The following TCF4 variants were observed in gnomAD, a reference collection of about 807,000 sequenced individuals.
TCF4 encodes SL3-3 enhancer factor 2.
A neutral mutation model predicts 82.1 loss-of-function variants in TCF4; 3 were observed. The ratio of observed to expected loss-of-function variants is 0.04; its 90% CI spans 0.02 to 0.09. TCF4 has a LOEUF of 0.09. Ranked by LOEUF, TCF4 falls within the 10% of genes least tolerant of loss-of-function variation. The probability of loss-of-function intolerance (pLI) is 1.00; values close to 1 mark genes in which losing one functional copy is unlikely to be tolerated. For synonymous variants in TCF4, 276 were observed against 309.6 expected (o/e 0.89, Z 1.14); for missense variants, 518 against 852.7 (o/e 0.61, Z 4.89).
At chr18:55,552,143 G>A (rs1033829535) in intron 3 of TCF4, among the ~76,000 whole-genome samples, 7 of 152,020 alleles carry the variant, frequency 4.6e-5, no homozygotes, top group Non-Finnish European at 8.8e-5. Flanking sequence ...GATTGCTTTT[G>A]GTCTATACGT....
chr18:55,243,502 C>T (rs1446101084), intron 15 of TCF4, among the ~76,000 whole-genome samples: 2 of 152,020 alleles, frequency 1.3e-5, no homozygotes, highest in Admixed American at 6.6e-5. Context: ...TAAATAAGAT[C>T]AAAAGCAGAA....
In TCF4 at chr18:55,607,392, T is replaced by G. The variant is rs538677677; in HGVS notation, c.287-20256A>C. ...TTATGAGAAAAAGGTGTGTATAAGG[T>G]GGAGTGGAGATTTCTCCCATGTTAC... On this transcript the variant is annotated intron_variant, in intron 2 of 20. Transcript: ENST00000398339. 5.3e-5 allele frequency among the ~76,000 whole-genome samples: 8 copies of G among 152,314 alleles called. No homozygotes were observed. In the East Asian group the frequency reaches 1.3e-3, roughly 26 times the overall value.
chr18:55,278,562 GTTTATTTA>G (rs201378213), intron 9 of TCF4, among the ~76,000 whole-genome samples: 2 of 104,996 alleles, frequency 1.9e-5, no homozygotes, highest in African/African-American at 6.6e-5. Context: ...TTATTTGTTT[GTTTATTTA>G]TTTATTTATT....
At chr18:55,512,962 A>G (rs1339077260) in intron 3 of TCF4, among the ~76,000 whole-genome samples, 2 of 152,154 alleles carry the variant, frequency 1.3e-5, no homozygotes, top group African/African-American at 4.8e-5. Context: ...AAGAAAGGCA[A>G]TGACCTTCAG....
intron 5 of TCF4, chr18:55,423,403 CGCA>C (rs913222170): frequency 1.4e-5 from 2 of 145,266 alleles, no homozygotes; most frequent in African/African-American, 2.6e-5. Flanking sequence ...CACACGCGTG[CGCA>C]GGAGAGGCAC....
chr18:55,267,716 T>G (rs2059509634), intron 11 of TCF4: 1 of 152,164 alleles, frequency 6.6e-6, no homozygotes, highest in Non-Finnish European at 1.5e-5. Context: ...AGATTATGCA[T>G]CTTTTTCTCA....
intron 8 of TCF4, among the ~76,000 whole-genome samples, chr18:55,315,246 C>T (rs893370145): frequency 3.3e-5 from 5 of 152,072 alleles, no homozygotes; most frequent in African/African-American, 7.2e-5. Flanking sequence ...GTGGGGAGAA[C>T]GGAGTTTAAA....
chr18:55,319,575 G>C lies in TCF4; in HGVS notation c.549+30784C>G, dbSNP rs534608316. On this transcript the variant is annotated intron_variant, in intron 8 of 19. Transcript: ENST00000354452. ...CCTCTTTCTAGTGTTTGAATCAATA[G>C]AGATACACATCACCAGATTTGTTTT... Among the ~76,000 whole-genome samples, 103 of 151,404 alleles carry C rather than the reference G, an allele frequency of 6.8e-4. No individual in the cohort carries two copies. In the South Asian group the frequency reaches 7.7e-3, roughly 11 times the overall value.
In TCF4 at chr18:55,484,296, T is replaced by TTAA. The variant is rs141989463; in HGVS notation, c.146-20162_146-20160dup. Among the ~76,000 whole-genome samples, 1,493 of 152,322 alleles carry TTAA rather than the reference T, an allele frequency of 9.8e-3. 30 individuals are homozygous for TTAA. The highest frequency in any genetic ancestry group is 0.034 in the African/African-American group (1,413 of 41,570). On this transcript the variant is annotated intron_variant, in intron 3 of 19. Coordinates refer to ENST00000354452, the MANE Select transcript of TCF4 (RefSeq NM_001083962.2). ...CCACAGAAAACCGCAACGGTTTAAA[T>TTAA]TAATACTGACTCTGAGAAGCATTTT... is the stretch of plus-strand genomic sequence containing the variant.
chr18:55,304,578 G>A (rs952822908), intron 8 of TCF4, among the ~76,000 whole-genome samples: 2 of 152,144 alleles, frequency 1.3e-5, no homozygotes, highest in East Asian at 3.9e-4. Flanking sequence ...ATTTACGATT[G>A]CATGAGACAA....
At chr18:55,329,893 C>T (rs2077214376) in intron 8 of TCF4, among the ~76,000 whole-genome samples, 3 of 152,336 alleles carry the variant, frequency 2.0e-5, no homozygotes, top group South Asian at 2.1e-4. Context: ...ACAACTTTAG[C>T]ATTTCTAAAT....
intron 3 of TCF4, among the ~76,000 whole-genome samples, chr18:55,474,069 T>C (rs1359317653): frequency 6.6e-6 from 1 of 152,206 alleles, no homozygotes; most frequent in East Asian, 1.9e-4. Context: ...ATCAAACACA[T>C]ATAATGAAAA....
At chr18:55,255,693 C>T (rs2056630859) in intron 14 of TCF4, among the ~76,000 whole-genome samples, 1 of 152,076 alleles carries the variant, frequency 6.6e-6, no homozygotes, top group African/African-American at 2.4e-5. Context: ...ATTATGATTC[C>T]TTCCGTACAG....
intron 2 of TCF4, among the ~76,000 whole-genome samples, chr18:55,616,840 C>T (rs2097712648): frequency 6.6e-6 from 1 of 152,010 alleles, no homozygotes; most frequent in Non-Finnish European, 1.5e-5. Flanking sequence ...TTTATATTAA[C>T]CTTCTATCAG....
intron 3 of TCF4, among the ~76,000 whole-genome samples, chr18:55,551,964 G>A (rs2097264077): frequency 6.6e-6 from 1 of 152,176 alleles, no homozygotes; most frequent in African/African-American, 2.4e-5. Flanking sequence ...AAATGACAAT[G>A]ACAATCACCA....
At chr18:55,417,891 C>T (rs952101971) in intron 5 of TCF4, among the ~76,000 whole-genome samples, 2 of 151,866 alleles carry the variant, frequency 1.3e-5, no homozygotes, top group African/African-American at 4.8e-5. Flanking sequence ...CGGGGGAGAA[C>T]TGTACCTATA....
intron 17 of TCF4, chr18:55,229,885 C>A (rs555771182): frequency 2.6e-5 from 4 of 152,416 alleles, no homozygotes; most frequent in Admixed American, 6.5e-5. Context: ...ATGACCATGA[C>A]CTCATTGTGA....
At chr18:55,465,741 A>G (rs2096002616) in intron 3 of TCF4, among the ~76,000 whole-genome samples, 1 of 152,206 alleles carries the variant, frequency 6.6e-6, no homozygotes, top group South Asian at 2.1e-4. Flanking sequence ...TTCTTAAACA[A>G]AAACCAAATA....
At chr18:55,599,479 G>A (rs1386388682) in intron 2 of TCF4, among the ~76,000 whole-genome samples, 2 of 152,206 alleles carry the variant, frequency 1.3e-5, no homozygotes, top group African/African-American at 4.8e-5. Flanking sequence ...CCAGCACTTT[G>A]GGAGGCCGAG....
Sources: allele counts gnomAD v4.1 joint callset (sites outside exome capture counted in the v4.1 genomes callset), GRCh38; gene constraint gnomAD v4.1.1; transcripts MANE v1.5; gene names NCBI Gene and HGNC (gene_info 2026-07-23, HGNC 2026-07-21).